FER1L6: variants seen among roughly 807,000 people sequenced by gnomAD.
The protein encoded by FER1L6 is fer-1 like family member 6, also known as fer-1-like protein 6.
FER1L6 carries 177 observed loss-of-function variants against 219.2 expected under a neutral mutation model. The observed-to-expected ratio is 0.81, with a 90% CI of 0.71 to 0.91. The LOEUF is 0.91. Among genes scored for constraint, FER1L6 ranks in the 40% least tolerant of loss-of-function variants. The pLI is 0.00. For synonymous variants in FER1L6, 768 were observed against 824.3 expected, an observed-to-expected ratio of 0.93 and a Z score of 1.17; for missense variants, 2,153 against 2,259.9, an observed-to-expected ratio of 0.95 and a Z score of 0.96.
chr8:124,024,504 A>G (rs375074309), intron 18 of FER1L6, among the ~76,000 whole-genome samples: 2 of 152,196 alleles, frequency 1.3e-5, no homozygotes, highest in Non-Finnish European at 1.5e-5. Flanking sequence ...AATGGCCTCC[A>G]GCTCAATTCA....
intron 1 of FER1L6, among the ~76,000 whole-genome samples, chr8:123,924,263 G>C (rs5017298): frequency 0.055 from 7,800 of 141,414 alleles, 709 homozygotes; most frequent in African/African-American, 0.19. Flanking sequence ...AAAAGTATAT[G>C]GCTGGGTGCG....
At chr8:123,995,672 T>C (rs1201340375) in intron 12 of FER1L6, among the ~76,000 whole-genome samples, 1 of 152,138 alleles carries the variant, frequency 6.6e-6, no homozygotes, top group Non-Finnish European at 1.5e-5. Flanking sequence ...TTCATTTAGT[T>C]CTGCTCTGCT....
chr8:123,987,754 C>T (rs1000173572), intron 12 of FER1L6, among the ~76,000 whole-genome samples: 11 of 152,092 alleles, frequency 7.2e-5, no homozygotes, highest in Admixed American at 5.2e-4. Flanking sequence ...ATCCAGTTTT[C>T]CCAGCACCAT....
At chr8:123,954,025 A>C (rs571837854) in intron 1 of FER1L6, among the ~76,000 whole-genome samples, 6 of 152,224 alleles carry the variant, frequency 3.9e-5, no homozygotes, top group Non-Finnish European at 8.8e-5. Context: ...CAAGAAGGGC[A>C]CTTATTTAGC....
At chr8:123,940,374 G>T (rs536931708) in intron 1 of FER1L6, among the ~76,000 whole-genome samples, 1 of 152,144 alleles carries the variant, frequency 6.6e-6, no homozygotes, top group Admixed American at 6.5e-5. Flanking sequence ...TTGAGACAGC[G>T]TCACCCAGGT....
At chr8:123,939,285 T>G (rs576096217) in intron 1 of FER1L6, 1 of 815,624 alleles carries the variant, frequency 1.2e-6, no homozygotes, top group South Asian at 5.6e-5. Flanking sequence ...TTACATATTG[T>G]TAAGTCTAAG....
chr8:124,118,643 C>T (rs1014828921), intron 39 of FER1L6, among the ~76,000 whole-genome samples: 2 of 152,194 alleles, frequency 1.3e-5, no homozygotes, highest in Non-Finnish European at 2.9e-5. Flanking sequence ...CTTGAAATAA[C>T]ATCATTCCTA....
intron 12 of FER1L6, among the ~76,000 whole-genome samples, chr8:123,995,066 A>G (rs1481401786): frequency 6.6e-6 from 1 of 152,144 alleles, no homozygotes; most frequent in East Asian, 1.9e-4. Flanking sequence ...CCTGGCTCAC[A>G]GTTTAGGCTG....
At chr8:123,885,244 T>C (rs568697892) in intron 1 of FER1L6, among the ~76,000 whole-genome samples, 1 of 152,364 alleles carries the variant, frequency 6.6e-6, no homozygotes, top group East Asian at 1.9e-4. Context: ...CTGTTTGTGA[T>C]AACTTGCTAT....
intron 1 of FER1L6, among the ~76,000 whole-genome samples, chr8:123,927,109 G>C (rs1451953558): frequency 6.6e-6 from 1 of 151,002 alleles, no homozygotes; most frequent in Non-Finnish European, 1.5e-5. Context: ...AAGAACACTG[G>C]AGCCCAGAGA....
chr8:124,031,425 A>G (rs1424867323), intron 18 of FER1L6, among the ~76,000 whole-genome samples: 2 of 152,178 alleles, frequency 1.3e-5, no homozygotes, highest in Admixed American at 6.6e-5. Context: ...GTGGGGAAAC[A>G]GCAAGGCCTG....
chr8:123,879,955 C>T (rs1417645673), intron 1 of FER1L6, among the ~76,000 whole-genome samples: 11 of 152,128 alleles, frequency 7.2e-5, no homozygotes, highest in Non-Finnish European at 1.3e-4. Context: ...ATGGTGCTGT[C>T]CCCCGTTCAC....
intron 1 of FER1L6, among the ~76,000 whole-genome samples, chr8:123,887,231 A>G (rs1417483341): frequency 6.6e-6 from 1 of 152,134 alleles, no homozygotes; most frequent in Non-Finnish European, 1.5e-5. Context: ...CACCCAGTAA[A>G]GCCTTCTTTC....
At chr8:123,938,099 A>G (rs764944570) in intron 1 of FER1L6, among the ~76,000 whole-genome samples, 1 of 152,210 alleles carries the variant, frequency 6.6e-6, no homozygotes, top group Non-Finnish European at 1.5e-5. Context: ...TCATACCAAG[A>G]ACACTTCCTT....
At chr8:123,955,628 G>T (rs1172539527) in intron 1 of FER1L6, among the ~76,000 whole-genome samples, 1 of 152,234 alleles carries the variant, frequency 6.6e-6, no homozygotes, top group African/African-American at 2.4e-5. Flanking sequence ...TGTAAGGTGG[G>T]CAGGAGAGGG....
At chr8:123,914,725 TG>T (rs375577611) in intron 1 of FER1L6, among the ~76,000 whole-genome samples, 2 of 152,194 alleles carry the variant, frequency 1.3e-5, no homozygotes, top group African/African-American at 4.8e-5. Context: ...GGAAAGCTTA[TG>T]GGTGTGGCCA....
At chr8:123,998,373 A>AGTCTCTCT (rs1817238990) in intron 12 of FER1L6, among the ~76,000 whole-genome samples, 1 of 32,454 alleles carries the variant, frequency 3.1e-5, no homozygotes, top group Non-Finnish European at 6.5e-5. Flanking sequence ...AAAGAGGGAA[A>AGTCTCTCT]CTCTCTCTCT....
chr8:123,887,234 C>A (rs1817219455), intron 1 of FER1L6, among the ~76,000 whole-genome samples: 3 of 152,118 alleles, frequency 2.0e-5, no homozygotes, highest in African/African-American at 7.2e-5. Flanking sequence ...CCAGTAAAGC[C>A]TTCTTTCTTG....
chr8:123,980,321 T>C (rs539453341), intron 10 of FER1L6, 144 bp from the exon 11 acceptor site: 2 of 677,012 alleles, frequency 3.0e-6, no homozygotes, highest in African/African-American at 1.8e-5. Context: ...TATGGCAAGA[T>C]GGCAATCGTT....
Sources: allele counts gnomAD v4.1 joint callset (sites outside exome capture counted in the v4.1 genomes callset), GRCh38; gene constraint gnomAD v4.1.1; transcripts MANE v1.5; gene names NCBI Gene and HGNC (gene_info 2026-07-23, HGNC 2026-07-21).